MMS19: variants seen among roughly 807,000 people sequenced by gnomAD.
MMS19 encodes the protein MMS19 cytosolic iron-sulfur assembly component.
A neutral mutation model predicts 129.8 loss-of-function variants in MMS19; 77 were observed. The ratio of observed to expected loss-of-function variants is 0.59; its 90% CI spans 0.49 to 0.72. MMS19 has a LOEUF of 0.72. Among genes scored for constraint, MMS19 ranks in the 30% least tolerant of loss-of-function variants. The pLI, the probability that MMS19 is intolerant of heterozygous loss-of-function variation, is 0.00. For missense variants in MMS19, 1,168 were observed against 1,266.3 expected (o/e 0.92, Z 1.18); for synonymous variants, 491 against 502.8 (o/e 0.98, Z 0.31).
rs29001254 is a variant in MMS19, at chr10:97,497,371, C to T, written c.112+902G>A. 2.7e-3 allele frequency among the ~76,000 whole-genome samples: 407 copies of T among 152,216 alleles called. 6 individuals carry two copies. Among genetic ancestry groups the T allele is most frequent in the African/African-American group, 9.4e-3 (392 of 41,522 alleles). ...TTCTTACATATTCTAAAGGTTAATACGCTCAATATCCAAGAGAAATGTGTC... is the reference window on the plus strand; with the variant it reads ...TTCTTACATATTCTAAAGGTTAATATGCTCAATATCCAAGAGAAATGTGTC... On this transcript the variant is annotated intron_variant, in intron 1 of 30. Transcript: ENST00000438925.
At chr10:97,481,278 G>A (rs573966986) in intron 2 of MMS19, among the ~76,000 whole-genome samples, 4 of 152,170 alleles carry the variant, frequency 2.6e-5, no homozygotes, top group Admixed American at 2.0e-4. Context: ...AGGCACACGT[G>A]ACACCAAGAG....
At chr10:97,468,886 G>A in intron 12 of MMS19, 80 bp downstream of exon 12, 1 of 1,467,142 alleles carries the variant, frequency 6.8e-7, no homozygotes. Flanking sequence ...AGGGATTACA[G>A]GCGTGAGCCA....
intron 12 of MMS19, 77 bp from the exon 13 acceptor site, chr10:97,468,483 A>C: frequency 7.2e-7 from 1 of 1,382,818 alleles, no homozygotes; most frequent in Non-Finnish European, 9.6e-7. Flanking sequence ...CAGAGGTTGG[A>C]GACTGAGACC....
upstream of MMS19, chr10:97,498,701 G>A (rs1243838266): frequency 2.6e-6 from 1 of 391,274 alleles, no homozygotes; most frequent in Non-Finnish European, 4.6e-6. Context: ...CGCACCACGG[G>A]GGAAGCCAAT....
chr10:97,498,373 G>T lies in MMS19; in HGVS notation c.12C>A (p.Ala4=), dbSNP rs769678265. Residue 4 remains alanine (A), a synonymous_variant, in exon 1 of 31, where the codon GCC becomes GCA. Transcript: ENST00000438925. The part of the protein sequence containing the change: MAA[A]AAVEAAAPMG... ...TAGGCGCCGCCGCCTCCACAGCCGCGGCAGCGGCCATAACGCGAACTAGAG... is the reference window on the plus strand; with the variant it reads ...TAGGCGCCGCCGCCTCCACAGCCGCTGCAGCGGCCATAACGCGAACTAGAG... 1.3e-5 allele frequency: 20 copies of T among 1,578,178 alleles called. No homozygotes were observed. The Middle Eastern group carries it at 5.0e-4, about 39-fold the overall frequency.
chr10:97,489,134 C>T (rs1247094457), intron 1 of MMS19, among the ~76,000 whole-genome samples: 1 of 152,092 alleles, frequency 6.6e-6, no homozygotes, highest in African/African-American at 2.4e-5. Flanking sequence ...AGCCAACACA[C>T]CGGGCCTGTA....
At position 97,460,688 on chromosome 10, in the gene MMS19, G is replaced by T; in HGVS notation, c.2469+7C>A. The T allele has an allele frequency of 6.3e-7, 1 of 1,586,940 alleles. No individual in the cohort carries two copies. Among genetic ancestry groups the T allele is most frequent in the Non-Finnish European group, 8.6e-7 (1 of 1,165,698 alleles). On this transcript the variant is annotated splice_region_variant and intron_variant, in intron 25 of 30. Transcript: ENST00000438925. Reference sequence around the variant, plus strand: ...CCTGGGTTCTTCTGTCTCCAGAAAGGACGTACCCGGGCTGTAAGGCAGGAG... The same window carrying T: ...CCTGGGTTCTTCTGTCTCCAGAAAGTACGTACCCGGGCTGTAAGGCAGGAG...
At chr10:97,477,706 G>C (rs2036006822) in intron 5 of MMS19, 149 bp downstream of exon 5, 1 of 664,842 alleles carries the variant, frequency 1.5e-6, no homozygotes, top group African/African-American at 1.8e-5. Context: ...ACAAAGATGA[G>C]CATATAAACA....
chr10:97,464,012 C>G lies in MMS19; in HGVS notation c.1758G>C (p.Gly586=). 1 of 1,611,960 alleles carries G rather than the reference C, an allele frequency of 6.2e-7. No homozygotes were observed. Among genetic ancestry groups the G allele is most frequent in the Non-Finnish European group, 8.5e-7 (1 of 1,179,018 alleles). The change falls in exon 19 of 31, where the codon GGG becomes GGC. Residue 586 remains glycine (G), a splice_region_variant and synonymous_variant. Transcript: ENST00000438925. Reference sequence around the variant, plus strand: ...CGTCACTGGATTGTGCAACCATATTCCCTGTTGATGAGAAAGTGTTCTCTG... The same window carrying G: ...CGTCACTGGATTGTGCAACCATATTGCCTGTTGATGAGAAAGTGTTCTCTG... ...LLQHLWQVNR[G]NMVAQSSDVI...
At chr10:97,466,743 A>T in intron 15 of MMS19, 33 bp downstream of exon 15, 1 of 1,613,856 alleles carries the variant, frequency 6.2e-7, no homozygotes, top group Non-Finnish European at 8.5e-7. Flanking sequence ...AAAAGGACCA[A>T]TATTTTCCTC....
At chr10:97,462,881 C>A in intron 19 of MMS19, 199 bp from the exon 20 acceptor site, 1 of 587,768 alleles carries the variant, frequency 1.7e-6, no homozygotes, top group East Asian at 2.9e-5. Flanking sequence ...GGCCACAGAG[C>A]GCTCCTGAGA....
intron 1 of MMS19, among the ~76,000 whole-genome samples, chr10:97,492,925 G>A (rs2039175103): frequency 6.6e-6 from 1 of 151,768 alleles, no homozygotes; most frequent in African/African-American, 2.4e-5. Flanking sequence ...TTATAAATAG[G>A]GTACCATGTT....
intron 25 of MMS19, 106 bp from the exon 26 acceptor site, chr10:97,460,338 T>C: frequency 9.3e-7 from 1 of 1,075,448 alleles, no homozygotes; most frequent in Non-Finnish European, 1.3e-6. Context: ...TCCTAGCACT[T>C]TGGGAGGCCA....
In MMS19 at chr10:97,480,766, T is replaced by C. The variant is rs370200227; in HGVS notation, c.262+176A>G. The C allele has an allele frequency of 8.1e-6, 5 of 619,144 alleles. No homozygotes were observed. The East Asian group carries it at 1.1e-4, about 14-fold the overall frequency. The allele number at this position is 619,144 out of a possible 1,614,324, so 38.4% of individuals were successfully genotyped here. ...CGTTTTATATTGAAATCCATGTGTCTTGTGTCTCAATTCTAATCATCTCTG... is the reference window on the plus strand; with the variant it reads ...CGTTTTATATTGAAATCCATGTGTCCTGTGTCTCAATTCTAATCATCTCTG... On this transcript the variant is annotated intron_variant, in intron 3 of 30. Coordinates refer to ENST00000438925, the MANE Select transcript of MMS19 (RefSeq NM_022362.5).
rs761186691 is a variant in MMS19 at position 97,460,906 on chromosome 10, C to T, written c.2412+1G>A. The T allele has an allele frequency of 6.3e-7, 1 of 1,575,784 alleles. No individual in the cohort carries two copies. Among genetic ancestry groups the T allele is most frequent in the South Asian group, 1.2e-5 (1 of 86,104 alleles). On this transcript the variant is annotated splice_donor_variant, in intron 24 of 30. Transcript: ENST00000438925. LOFTEE classifies it high-confidence loss of function. ...AACCAGACTCCACTCCAACTCCTTA[C>T]CCAGAGAAGAAGAGTGAAGGCCTGA...
Position 97,498,359 on chromosome 10 carries a change from G to A in MMS19, c.26C>T (p.Ala9Val). 3 of 1,573,376 alleles carry A rather than the reference G, an allele frequency of 1.9e-6. No homozygotes were observed. The highest frequency in any genetic ancestry group is 1.1e-5 in the South Asian group (1 of 87,288). ...CCATAGGGCACCCATAGGCGCCGCC[G>A]CCTCCACAGCCGCGGCAGCGGCCAT... MAAAAAVE[A>V]AAPMGALWGL... Residue 9 changes from alanine (A) to valine (V), a missense_variant, in exon 1 of 31, where the codon GCG becomes GTG. By Grantham distance (64) the Ala-to-Val change is moderately conservative (BLOSUM62 0). This residue lies in a region of MMS19 where 329 missense variants were observed against 328.6 expected (regional missense o/e 1.00). Transcript: ENST00000438925.
In MMS19 at chr10:97,465,761, T is replaced by TC. The variant is rs747452190; in HGVS notation, c.1756+43dup. ...GAACCACTGCCTTAGAGACTACAGC[T>TC]CCCTATTCAGCCCAGTCCGTTGGTG... On this transcript the variant is annotated intron_variant, in intron 18 of 30. Transcript: ENST00000438925. The TC allele has an allele frequency of 1.1e-4, 168 of 1,580,188 alleles. 1 individual carries two copies. The East Asian group carries it at 3.7e-3, about 35-fold the overall frequency.
chr10:97,460,584 AG>A (rs1475882767), intron 25 of MMS19, 110 bp downstream of exon 25: 9 of 958,134 alleles, frequency 9.4e-6, no homozygotes, highest in African/African-American at 8.3e-5. Flanking sequence ...AAAAGAAAAA[AG>A]AAAAGAAAAC....
chr10:97,458,747 TTAGTGATGAGGC>T, intron 30 of MMS19, 28 bp from the exon 31 acceptor site: 1 of 1,612,854 alleles, frequency 6.2e-7, no homozygotes, highest in Non-Finnish European at 8.5e-7. Context: ...GTTGGCAGCA[TTAGTGATGAGGC>T]TCATCTTGGT....
Sources: allele counts gnomAD v4.1 joint callset (sites outside exome capture counted in the v4.1 genomes callset), GRCh38; gene constraint gnomAD v4.1.1; regional missense constraint gnomAD v4.1.1; transcripts MANE v1.5; gene names NCBI Gene and HGNC (gene_info 2026-07-23, HGNC 2026-07-21).